TLL2: variants seen among roughly 807,000 people sequenced by gnomAD.
The protein encoded by TLL2 is tolloid like 2.
In TLL2, 106 loss-of-function variants were observed where a neutral mutation model predicts 123.0. The observed-to-expected ratio is 0.86, with a 90% CI of 0.74 to 1.01. The LOEUF (loss-of-function observed/expected upper bound fraction) is 1.01, where lower values mean the gene tolerates loss of function less well. Ranked by LOEUF, TLL2 falls within the 50% of genes least tolerant of loss-of-function variation. TLL2 has a pLI of 0.00. For missense variants in TLL2, 1,332 were observed against 1,336.7 expected (o/e 1.00, Z 0.06); for synonymous variants, 494 against 516.8 (o/e 0.96, Z 0.60).
intron 16 of TLL2, among the ~76,000 whole-genome samples, chr10:96,379,692 C>T (rs529936663): frequency 1.3e-5 from 2 of 152,274 alleles, no homozygotes; most frequent in South Asian, 4.1e-4. Context: ...CGTGGTGGTG[C>T]ATGCCTGTAA....
At chr10:96,507,828 T>C (rs1480755765) in intron 1 of TLL2, among the ~76,000 whole-genome samples, 1 of 152,140 alleles carries the variant, frequency 6.6e-6, no homozygotes, top group African/African-American at 2.4e-5. Context: ...GTGTGTGAAA[T>C]TGTGTAGAGA....
At chr10:96,440,968 G>T (rs1211896282) in intron 3 of TLL2, among the ~76,000 whole-genome samples, 1 of 152,072 alleles carries the variant, frequency 6.6e-6, no homozygotes, top group Non-Finnish European at 1.5e-5. Context: ...ATTTATTATG[G>T]CCAAGAGTCC....
chr10:96,500,452 C>T lies in TLL2; in HGVS notation c.175+13059G>A, dbSNP rs146511035. ...AAATTTATTCTAAAGAGATAACTCA[C>T]GATGTATATAAACATCTAGCTACAG... On this transcript the variant is annotated intron_variant, in intron 1 of 20. Transcript: ENST00000357947. 3.3e-5 allele frequency among the ~76,000 whole-genome samples: 5 copies of T among 152,300 alleles called. No homozygotes were observed. In the South Asian group the frequency reaches 8.3e-4, roughly 25 times the overall value.
chr10:96,505,501 T>C lies in TLL2; in HGVS notation c.175+8010A>G, dbSNP rs1847570262. Among the ~76,000 whole-genome samples, 4 of 152,238 alleles carry C rather than the reference T, an allele frequency of 2.6e-5. No homozygotes were observed. In the South Asian group the frequency reaches 8.3e-4, roughly 32 times the overall value. ...GGATGCTTACCATGTTCAGACATGA[T>C]TCTAAGTGCTTTCTCTGTATTAATC... is the stretch of plus-strand genomic sequence containing the variant. On this transcript the variant is annotated intron_variant, in intron 1 of 20. Coordinates refer to ENST00000357947, the MANE Select transcript of TLL2 (RefSeq NM_012465.4).
At chr10:96,510,251 T>C (rs1159008718) in intron 1 of TLL2, among the ~76,000 whole-genome samples, 1 of 152,216 alleles carries the variant, frequency 6.6e-6, no homozygotes, top group African/African-American at 2.4e-5. Context: ...TGTGATTTAC[T>C]GCCAGTTGAA....
intron 1 of TLL2, among the ~76,000 whole-genome samples, chr10:96,485,435 T>A (rs1331093665): frequency 6.6e-6 from 1 of 152,074 alleles, no homozygotes; most frequent in Non-Finnish European, 1.5e-5. Flanking sequence ...TAAAATGAAC[T>A]CTTACAATTC....
rs776329490 is a variant in TLL2, at chr10:96,452,427, G to A, written c.287-6259C>T. ...GAGCAAGATAGGAACTGTCACCTGCGAGGGACACAGGTCCAGCTCACGGCC... is the reference window on the plus strand; with the variant it reads ...GAGCAAGATAGGAACTGTCACCTGCAAGGGACACAGGTCCAGCTCACGGCC... On this transcript the variant is annotated intron_variant, in intron 2 of 20. Transcript: ENST00000357947. Among the ~76,000 whole-genome samples the A allele has an allele frequency of 2.0e-4, 31 of 152,214 alleles. 1 individual carries two copies. Among genetic ancestry groups the A allele is most frequent in the Admixed American group, 1.6e-3 (24 of 15,282 alleles).
intron 7 of TLL2, among the ~76,000 whole-genome samples, chr10:96,414,242 C>G (rs74151303): frequency 0.091 from 13,859 of 152,200 alleles, 748 homozygotes; most frequent in African/African-American, 0.14. Flanking sequence ...GAATCAGCAT[C>G]TCCTCCAGTC....
In TLL2 at chr10:96,512,953, C is replaced by T. The variant is rs189138171; in HGVS notation, c.175+558G>A. ...AGCGACCCTCAGGCCGGTACCGCTACAGGGAAGTTTCCGGCTATTCGAGTC... is the reference window on the plus strand; with the variant it reads ...AGCGACCCTCAGGCCGGTACCGCTATAGGGAAGTTTCCGGCTATTCGAGTC... On this transcript the variant is annotated intron_variant, in intron 1 of 20. Coordinates refer to ENST00000357947, the MANE Select transcript of TLL2 (RefSeq NM_012465.4). Among the ~76,000 whole-genome samples the T allele has an allele frequency of 3.9e-5, 6 of 152,396 alleles. No individual in the cohort carries two copies. The East Asian group carries it at 1.2e-3, about 29-fold the overall frequency.
At chr10:96,495,629 GAA>G (rs1847465013) in intron 1 of TLL2, among the ~76,000 whole-genome samples, 2 of 152,064 alleles carry the variant, frequency 1.3e-5, no homozygotes, top group African/African-American at 4.8e-5. Context: ...CATGAACTTT[GAA>G]ACCATGACCC....
At chr10:96,410,640 G>C (rs770053267) in intron 8 of TLL2, 166 bp from the exon 9 acceptor site, 16 of 695,542 alleles carry the variant, frequency 2.3e-5, no homozygotes, top group Non-Finnish European at 3.7e-5. Context: ...GCTAACAAAA[G>C]CACAAGTAGG....
At chr10:96,495,044 T>G (rs1176123139) in intron 1 of TLL2, among the ~76,000 whole-genome samples, 2 of 152,110 alleles carry the variant, frequency 1.3e-5, no homozygotes, top group African/African-American at 2.4e-5. Flanking sequence ...TAGAGAAACA[T>G]AGGGTATTTG....
intron 10 of TLL2, among the ~76,000 whole-genome samples, chr10:96,402,249 T>C (rs1416938414): frequency 2.0e-5 from 3 of 152,216 alleles, no homozygotes; most frequent in African/African-American, 7.2e-5. Flanking sequence ...CCTCCGCGCT[T>C]CCTTCCTCAG....
chr10:96,456,976 C>T (rs1371623585), intron 2 of TLL2, among the ~76,000 whole-genome samples: 1 of 152,210 alleles, frequency 6.6e-6, no homozygotes, highest in Non-Finnish European at 1.5e-5. Context: ...AGGGAAACAA[C>T]ACGTCCAATT....
chr10:96,396,924 G>A (rs935971056), intron 11 of TLL2, among the ~76,000 whole-genome samples: 14 of 152,172 alleles, frequency 9.2e-5, no homozygotes, highest in African/African-American at 2.9e-4. Context: ...GGGGGAAGCC[G>A]ACTCCTCAGC....
rs565779809 is a variant in TLL2 at position 96,415,166 on chromosome 10, C to T, written c.924-1850G>A. On this transcript the variant is annotated intron_variant, in intron 7 of 20. Coordinates refer to ENST00000357947, the MANE Select transcript of TLL2 (RefSeq NM_012465.4). ...CACTGACTTCTGCCTTCCTCTCCAG[C>T]CTGACTCTTTAATCCCATAACCAAA... Among the ~76,000 whole-genome samples, 63 of 152,334 alleles carry T rather than the reference C, an allele frequency of 4.1e-4. No individual in the cohort carries two copies. The South Asian group carries it at 0.013, about 31-fold the overall frequency.
intron 1 of TLL2, among the ~76,000 whole-genome samples, chr10:96,490,038 G>A (rs763055614): frequency 1.2e-4 from 18 of 152,020 alleles, no homozygotes; most frequent in Non-Finnish European, 2.5e-4. Context: ...GGAGGTTACA[G>A]TGACCTGAGA....
chr10:96,428,517 C>T, intron 5 of TLL2, 114 bp downstream of exon 5: 1 of 713,600 alleles, frequency 1.4e-6, no homozygotes, highest in South Asian at 1.9e-5. Context: ...CTAGCAAACC[C>T]TGGACTCCTC....
chr10:96,398,914 C>T (rs1846365452), intron 10 of TLL2, among the ~76,000 whole-genome samples: 1 of 148,484 alleles, frequency 6.7e-6, no homozygotes, highest in South Asian at 2.2e-4. Context: ...CTCTGTCACC[C>T]AGGCTGGAAC....
Sources: allele counts gnomAD v4.1 joint callset (sites outside exome capture counted in the v4.1 genomes callset), GRCh38; gene constraint gnomAD v4.1.1; transcripts MANE v1.5; gene names NCBI Gene and HGNC (gene_info 2026-07-23, HGNC 2026-07-21).